The following UIMC1 variants were observed in gnomAD, a reference collection of about 807,000 sequenced individuals.
UIMC1 encodes ubiquitin interaction motif containing 1, also known as BRCA1-A complex subunit RAP80.
In UIMC1, 42 loss-of-function variants were observed where a neutral mutation model predicts 84.9. That is an observed-to-expected ratio of 0.49 (90% CI 0.39 to 0.64). The LOEUF (loss-of-function observed/expected upper bound fraction) is 0.64. Ranked by LOEUF, UIMC1 falls within the 30% of genes least tolerant of loss-of-function variation. The probability of loss-of-function intolerance (pLI) is 0.00; values close to 1 mark genes in which losing one functional copy is unlikely to be tolerated. For synonymous variants in UIMC1, 281 were observed against 293.0 expected (o/e 0.96, Z 0.42); for missense variants, 825 against 847.6 (o/e 0.97, Z 0.33).
chr5:176,998,767 C>CA (rs1206317110), intron 1 of UIMC1, among the ~76,000 whole-genome samples: 6 of 150,968 alleles, frequency 4.0e-5, no homozygotes, highest in Admixed American at 1.3e-4. Flanking sequence ...AACTCCGTCT[C>CA]AAAAAAAACA....
At position 176,951,461 on chromosome 5, in the gene UIMC1, G is replaced by A. The variant is rs1227561096; in HGVS notation, c.1443+13C>T. The A allele has an allele frequency of 4.7e-6, 7 of 1,500,428 alleles. No individual in the cohort carries two copies. The highest frequency in any genetic ancestry group is 1.4e-5 in the South Asian group (1 of 70,584). 92.9% of individuals were successfully genotyped at this position (1,500,428 alleles called of 1,614,324 possible). Reference sequence around the variant, plus strand: ...AGAAACCACTGAGAAAAAATATAGAGGAAAATATTCACCTCCTTATCTGCC... The same window carrying A: ...AGAAACCACTGAGAAAAAATATAGAAGAAAATATTCACCTCCTTATCTGCC... On this transcript the variant is annotated intron_variant, in intron 9 of 14. Transcript: ENST00000511320.
intron 2 of UIMC1, among the ~76,000 whole-genome samples, chr5:176,978,854 T>A (rs895970592): frequency 6.6e-6 from 1 of 152,166 alleles, no homozygotes; most frequent in Non-Finnish European, 1.5e-5. Context: ...GATAGTTCCT[T>A]AACATAAAAA....
chr5:176,951,927 C>T (rs1765931379), intron 8 of UIMC1, among the ~76,000 whole-genome samples: 1 of 152,218 alleles, frequency 6.6e-6, no homozygotes, highest in African/African-American at 2.4e-5. Flanking sequence ...TCTTTGGTCA[C>T]TGCAATGAAC....
chr5:176,917,928 C>T (rs1761220085), intron 10 of UIMC1, among the ~76,000 whole-genome samples: 1 of 152,190 alleles, frequency 6.6e-6, no homozygotes, highest in African/African-American at 2.4e-5. Flanking sequence ...CATTGCACTC[C>T]AGTCTGGGCA....
chr5:176,940,975 AACTG>A (rs1282531257), intron 10 of UIMC1, among the ~76,000 whole-genome samples: 2 of 152,178 alleles, frequency 1.3e-5, no homozygotes, highest in African/African-American at 4.8e-5. Flanking sequence ...CTCAAGCTCA[AACTG>A]ACTGGCCCTC....
At chr5:176,958,839 G>C (rs893876623) in intron 6 of UIMC1, among the ~76,000 whole-genome samples, 1 of 152,196 alleles carries the variant, frequency 6.6e-6, no homozygotes, top group South Asian at 2.1e-4. Context: ...TAGAGTTGAC[G>C]CAAATACCAA....
At chr5:176,947,845 T>C (rs1439414210) in intron 9 of UIMC1, among the ~76,000 whole-genome samples, 26 of 151,692 alleles carry the variant, frequency 1.7e-4, no homozygotes, top group Admixed American at 1.4e-3. Context: ...TATACAACTA[T>C]TTTTCAAAAG....
Position 176,923,330 on chromosome 5 carries a change from T to C in UIMC1, c.1598-11941A>G, listed in dbSNP as rs532523745. ...GGAAAAAGATGTATCAGGCAAACAG[T>C]AGGAATAAGACTGAAATGACTAGAA... On this transcript the variant is annotated intron_variant, in intron 10 of 14. Transcript: ENST00000511320. 9.3e-4 allele frequency among the ~76,000 whole-genome samples: 142 copies of C among 152,206 alleles called. 1 individual carries two copies. The highest frequency in any genetic ancestry group is 3.1e-3 in the African/African-American group (130 of 41,524).
intron 10 of UIMC1, among the ~76,000 whole-genome samples, chr5:176,942,091 C>A (rs139597493): frequency 0.027 from 4,076 of 152,234 alleles, 84 homozygotes; most frequent in South Asian, 0.097. Context: ...GTGACCCACC[C>A]GCCTCAGCCT....
At chr5:176,991,839 G>A (rs1227644809) in intron 1 of UIMC1, among the ~76,000 whole-genome samples, 2 of 152,044 alleles carry the variant, frequency 1.3e-5, no homozygotes, top group African/African-American at 2.4e-5. Context: ...GGCTGAGGCA[G>A]GAGAATGGCG....
chr5:176,932,265 C>T (rs1763184274), intron 10 of UIMC1, among the ~76,000 whole-genome samples: 2 of 152,160 alleles, frequency 1.3e-5, no homozygotes, highest in African/African-American at 4.8e-5. Flanking sequence ...AGAATCTGTT[C>T]CAAAACATCC....
chr5:176,951,407 T>C (rs1011386752), intron 9 of UIMC1, 67 bp downstream of exon 9: 8 of 1,238,684 alleles, frequency 6.5e-6, no homozygotes, highest in African/African-American at 1.6e-5. Context: ...AATGTCAACG[T>C]TGCATCAGAG....
intron 1 of UIMC1, among the ~76,000 whole-genome samples, chr5:177,021,232 C>T (rs574867093): frequency 6.6e-6 from 1 of 152,182 alleles, no homozygotes; most frequent in Admixed American, 6.5e-5. Context: ...GAGCCGAGAT[C>T]GCGTCACTGC....
intron 1 of UIMC1, among the ~76,000 whole-genome samples, chr5:176,992,813 A>G (rs889488493): frequency 6.6e-6 from 1 of 151,990 alleles, no homozygotes; most frequent in Non-Finnish European, 1.5e-5. Flanking sequence ...ATCAAAAAAG[A>G]AAACAAAAAG....
intron 1 of UIMC1, among the ~76,000 whole-genome samples, chr5:176,990,406 G>A (rs1738469035): frequency 6.6e-6 from 1 of 151,892 alleles, no homozygotes; most frequent in Admixed American, 6.6e-5. Context: ...CTTCAGAACT[G>A]TGAACAAAAA....
intron 2 of UIMC1, among the ~76,000 whole-genome samples, chr5:176,977,241 A>AAAAAAG (rs758737146): frequency 6.8e-6 from 1 of 147,066 alleles, no homozygotes. Flanking sequence ...AAAAAAAAAA[A>AAAAAAG]GAGAGAGAGA....
chr5:176,956,043 A>T lies in UIMC1; in HGVS notation c.1263-8T>A, dbSNP rs770895540. On this transcript the variant is annotated splice_polypyrimidine_tract_variant and splice_region_variant and intron_variant, in intron 7 of 14. Coordinates refer to ENST00000511320, the MANE Select transcript of UIMC1 (RefSeq NM_001199298.2). ...CTGGTCAAAGCAGCAACACTGAAAG[A>T]GAACCAAATCCCAAATGAATTCCCA... 26 of 1,612,764 alleles carry T rather than the reference A, an allele frequency of 1.6e-5. No homozygotes were observed. Among genetic ancestry groups the T allele is most frequent in the Non-Finnish European group, 2.0e-5 (24 of 1,179,444 alleles).
intron 10 of UIMC1, among the ~76,000 whole-genome samples, chr5:176,926,031 A>C (rs1762350811): frequency 6.6e-6 from 1 of 152,216 alleles, no homozygotes; most frequent in Non-Finnish European, 1.5e-5. Flanking sequence ...AAAACATAGT[A>C]AGATATTAAT....
At chr5:176,995,129 A>T (rs1773416341) in intron 1 of UIMC1, among the ~76,000 whole-genome samples, 1 of 152,112 alleles carries the variant, frequency 6.6e-6, no homozygotes, top group South Asian at 2.1e-4. Context: ...CTTCAATTCC[A>T]CTACTATTAA....
Sources: gnomAD v4.1 joint callset for allele counts (sites outside exome capture counted in the v4.1 genomes callset) on GRCh38, gnomAD v4.1.1 for gene constraint, MANE v1.5 for transcripts, NCBI Gene and HGNC (gene_info 2026-07-23, HGNC 2026-07-21) for gene names.